Variants in PAXIP1 observed in about 807,000 individuals in gnomAD.
PAXIP1 encodes PAX-interacting protein 1.
A neutral mutation model predicts 140.6 loss-of-function variants in PAXIP1; 19 were observed. That is an observed-to-expected ratio of 0.14 (90% confidence interval 0.09 to 0.20). The LOEUF (loss-of-function observed/expected upper bound fraction) is 0.20. Among genes scored for constraint, PAXIP1 ranks in the 10% least tolerant of loss-of-function variants. The pLI, the probability that PAXIP1 is intolerant of heterozygous loss-of-function variation, is 1.00. For missense variants in PAXIP1, 920 were observed against 1,208.6 expected (o/e 0.76, Z 3.54); for synonymous variants, 442 against 444.6 (o/e 0.99, Z 0.07).
rs541313016 is a variant in PAXIP1 at position 154,988,975 on chromosome 7, A to G, written c.324+2031T>C. On this transcript the variant is annotated intron_variant, in intron 4 of 20. Transcript: ENST00000404141. ...ATTACATGTAACCATAGCACCCAGCATTTCTTTTCTCATTTTAGCCAACTT... is the reference window on the plus strand; with the variant it reads ...ATTACATGTAACCATAGCACCCAGCGTTTCTTTTCTCATTTTAGCCAACTT... 8.5e-5 allele frequency among the ~76,000 whole-genome samples: 13 copies of G among 152,360 alleles called. No individual in the cohort carries two copies. The South Asian group carries it at 2.3e-3, about 27-fold the overall frequency.
At chr7:154,966,676 C>T (rs938252077) in intron 8 of PAXIP1, among the ~76,000 whole-genome samples, 7 of 152,234 alleles carry the variant, frequency 4.6e-5, no homozygotes, top group African/African-American at 1.4e-4. Context: ...CTGCTCCCTT[C>T]CTTCCTCACC....
Position 154,975,952 on chromosome 7 carries a change from T to C in PAXIP1, c.818A>G (p.Gln273Arg), listed in dbSNP as rs1460432331. ...CAGCCTGCGTTTTGCTGCAGCTAAC[T>C]GTGGGACTTCGGCCGGGGTCCAGTT... ...NLNWTPAEVP[Q>R]LAAAKRRLPQ... is the part of the protein sequence containing the mutation. Residue 273 changes from glutamine (Q) to arginine (R), a missense_variant, in exon 6 of 21, where the codon CAG (glutamine) becomes CGG (arginine). Transcript: ENST00000404141. The C allele has an allele frequency of 1.9e-6, 3 of 1,613,964 alleles. No individual in the cohort carries two copies. The highest frequency in any genetic ancestry group is 2.2e-5 in the East Asian group (1 of 44,882).
intron 2 of PAXIP1, among the ~76,000 whole-genome samples, chr7:154,995,760 G>C (rs1810569082): frequency 6.6e-6 from 1 of 152,050 alleles, no homozygotes; most frequent in African/African-American, 2.4e-5. Flanking sequence ...TGAGAGAGGA[G>C]AATCGCTTGA....
chr7:154,975,841 C>A lies in PAXIP1; in HGVS notation c.929G>T (p.Gly310Val), dbSNP rs1372714347. ...GTTTTGTCCAGCAGCCATTAAATTA[C>A]CCCGGACCTCAGGGGGCAAAATGTT... ...PGNILPPEVR[G>V]NLMAAGQNLQ... Residue 310 changes from glycine (G) to valine (V), a missense_variant, in exon 6 of 21, where the codon GGT becomes GTT. This residue lies in a region of PAXIP1 where 419 missense variants were observed against 514.7 expected (regional missense o/e 0.81). Coordinates refer to ENST00000404141, the MANE Select transcript of PAXIP1 (RefSeq NM_007349.4). 1 of 1,613,942 alleles carries A rather than the reference C, an allele frequency of 6.2e-7. No individual in the cohort carries two copies. Among genetic ancestry groups the A allele is most frequent in the Non-Finnish European group, 8.5e-7 (1 of 1,179,894 alleles).
At position 154,995,632 on chromosome 7, in the gene PAXIP1, T is replaced by C. The variant is rs560139578; in HGVS notation, c.217-1863A>G. Among the ~76,000 whole-genome samples, 7 of 152,296 alleles carry C rather than the reference T, an allele frequency of 4.6e-5. No individual in the cohort carries two copies. In the South Asian group the frequency reaches 1.0e-3, roughly 23 times the overall value. On this transcript the variant is annotated intron_variant, in intron 2 of 20. Coordinates refer to ENST00000404141, the MANE Select transcript of PAXIP1 (RefSeq NM_007349.4). The stretch of plus-strand genomic sequence containing the variant: ...TGGGAGGCCAAGGCGGGCGGATCAC[T>C]TGAGGTGACAGGTTCGAGACCAGCC...
intron 4 of PAXIP1, among the ~76,000 whole-genome samples, chr7:154,987,863 C>G (rs1191044120): frequency 6.6e-6 from 1 of 152,156 alleles, no homozygotes; most frequent in Non-Finnish European, 1.5e-5. Context: ...TATCTGCTAC[C>G]CTGAATCCCA....
At chr7:154,989,149 G>A (rs1810207483) in intron 4 of PAXIP1, among the ~76,000 whole-genome samples, 1 of 152,144 alleles carries the variant, frequency 6.6e-6, no homozygotes, top group Non-Finnish European at 1.5e-5. Context: ...ACAAAAACAG[G>A]ATTTTAGAGA....
At chr7:154,998,018 G>A (rs1810717871) in intron 2 of PAXIP1, among the ~76,000 whole-genome samples, 1 of 152,220 alleles carries the variant, frequency 6.6e-6, no homozygotes, top group Non-Finnish European at 1.5e-5. Flanking sequence ...TCCCATGACA[G>A]GTTTCCCTGG....
chr7:154,966,688 T>C (rs1177385961), intron 8 of PAXIP1, among the ~76,000 whole-genome samples: 2 of 152,242 alleles, frequency 1.3e-5, no homozygotes, highest in African/African-American at 4.8e-5. Flanking sequence ...TTCCTCACCC[T>C]GGCACATGCC....
chr7:154,963,960 T>C lies in PAXIP1; in HGVS notation c.1894-194A>G, dbSNP rs1248797795. The C allele has an allele frequency of 3.6e-6, 2 of 551,622 alleles. No individual in the cohort carries two copies. Among genetic ancestry groups the C allele is most frequent in the East Asian group, 3.0e-5 (1 of 33,030 alleles). 34.2% of individuals were successfully genotyped at this position (551,622 alleles called of 1,614,324 possible). ...ACCATACAATGAAAATGAACTCCAA[T>C]ACTCTAAATTTAATCTGAATTCCCA... is the stretch of plus-strand genomic sequence containing the variant. On this transcript the variant is annotated intron_variant, in intron 8 of 20. Transcript: ENST00000404141. This position sits in a 1 kb window ranked among gnomAD's most constrained non-coding sequence, Gnocchi z 4.1.
Position 154,975,821 on chromosome 7 carries a change from G to C in PAXIP1, c.949C>G (p.Gln317Glu), listed in dbSNP as rs571347987. Reference protein sequence around the residue: ...EVRGNLMAAGQNLQSSERSEM... With the variant: ...EVRGNLMAAGENLQSSERSEM... The stretch of plus-strand genomic sequence containing the variant: ...GATCTTTCAGAACTTTGGAGGTTTT[G>C]TCCAGCAGCCATTAAATTACCCCGG... The change falls in exon 6 of 21, where the codon CAA becomes GAA. Residue 317 changes from glutamine to glutamate, a missense_variant. Physicochemically the swap from Gln to Glu is conservative, Grantham distance 29 (BLOSUM62 2). Coordinates refer to ENST00000404141, the MANE Select transcript of PAXIP1 (RefSeq NM_007349.4). 48 of 1,613,886 alleles carry C rather than the reference G, an allele frequency of 3.0e-5. 2 individuals carry two copies. In the South Asian group the frequency reaches 4.8e-4, roughly 16 times the overall value.
At chr7:154,983,794 AT>A (rs1469700018) in intron 4 of PAXIP1, 1 of 153,264 alleles carries the variant, frequency 6.5e-6, no homozygotes, top group Non-Finnish European at 1.5e-5. Flanking sequence ...AATGAATAAA[AT>A]AAAAATAAAG....
intron 16 of PAXIP1, among the ~76,000 whole-genome samples, chr7:154,952,943 A>ATT (rs1328301179): frequency 4.6e-5 from 7 of 152,234 alleles, no homozygotes; most frequent in Non-Finnish European, 7.3e-5. Context: ...AATCTTAAGT[A>ATT]TCTTTATTTT....
chr7:154,962,384 C>T lies in PAXIP1; in HGVS notation c.2064G>A (p.Pro688=), dbSNP rs559200861. 75 of 1,612,752 alleles carry T rather than the reference C, an allele frequency of 4.7e-5. 1 individual carries two copies. The South Asian group carries it at 5.8e-4, about 13-fold the overall frequency. Residue 688 remains proline (P), a synonymous_variant, in exon 10 of 21, where the codon CCG becomes CCA. Transcript: ENST00000404141. Reference sequence around the variant, plus strand: ...CTGGGAAGTGAAGGGCTCGGTGCGGCGGTACCATTTTCTTCTTCTTTAAGA... The same window carrying T: ...CTGGGAAGTGAAGGGCTCGGTGCGGTGGTACCATTTTCTTCTTCTTTAAGA... ...NTVLKKKKMV[P]PHRALHFPVA... is the part of the protein sequence containing the mutation.
At chr7:154,993,865 C>T (rs1028456607) in intron 2 of PAXIP1, 96 bp from the exon 3 acceptor site, 1 of 877,532 alleles carries the variant, frequency 1.1e-6, no homozygotes, top group African/African-American at 1.7e-5. Flanking sequence ...GTCTCTGTTA[C>T]AACCTATTTT....
rs1303219651 is a variant in PAXIP1, at chr7:154,967,889, A to G, written c.1820T>C (p.Leu607Ser). The G allele has an allele frequency of 2.5e-6, 4 of 1,612,860 alleles. No individual in the cohort carries two copies. The highest frequency in any genetic ancestry group is 3.4e-6 in the Non-Finnish European group (4 of 1,179,140). Reference protein sequence around the residue: ...AVEIPEEGFLLGCVFAIADYP... With the variant: ...AVEIPEEGFLSGCVFAIADYP... ...ATCCGCAATTGCAAACACACATCCCAATAAGAAGCCTTCTTCTGGAACTAG... is the reference window on the plus strand; with the variant it reads ...ATCCGCAATTGCAAACACACATCCCGATAAGAAGCCTTCTTCTGGAACTAG... The change falls in exon 8 of 21, where the codon TTG (leucine) becomes TCG (serine). Residue 607 changes from leucine (L) to serine (S), a missense_variant. Transcript: ENST00000404141.
rs1169290323 is a variant in PAXIP1 at position 154,956,064 on chromosome 7, C to T, written c.2550-433G>A. 2.0e-5 allele frequency among the ~76,000 whole-genome samples: 3 copies of T among 152,218 alleles called. No individual in the cohort carries two copies. In the East Asian group the frequency reaches 5.8e-4, roughly 29 times the overall value. ...CATTCCTTGTTTGCACGTTCACCATCAATACAAGTCAGCCAAGACGAGTGT... is the reference window on the plus strand; with the variant it reads ...CATTCCTTGTTTGCACGTTCACCATTAATACAAGTCAGCCAAGACGAGTGT... On this transcript the variant is annotated intron_variant, in intron 14 of 20. Transcript: ENST00000404141. This position sits in a 1 kb window ranked among gnomAD's most constrained non-coding sequence, Gnocchi z 4.2.
At chr7:154,962,246 G>A in intron 10 of PAXIP1, 75 bp downstream of exon 10, 1 of 1,512,968 alleles carries the variant, frequency 6.6e-7, no homozygotes, top group South Asian at 1.2e-5. Flanking sequence ...GGAGCCTCAG[G>A]TAAGCACTAG....
intron 3 of PAXIP1, among the ~76,000 whole-genome samples, chr7:154,993,343 A>G (rs1810433842): frequency 6.6e-6 from 1 of 152,236 alleles, no homozygotes; most frequent in Non-Finnish European, 1.5e-5. Context: ...AGGATTAACA[A>G]TGCATGTTAT....
Sources: allele counts gnomAD v4.1 joint callset (sites outside exome capture counted in the v4.1 genomes callset), GRCh38; gene constraint gnomAD v4.1.1; regional missense constraint gnomAD v4.1.1; non-coding constraint Gnocchi (gnomAD v3.1); transcripts MANE v1.5; gene names NCBI Gene and HGNC (gene_info 2026-07-23, HGNC 2026-07-21).